Variants in FRMD6 observed in about 807,000 individuals in gnomAD.
The protein encoded by FRMD6 is FERM domain containing 6.
A neutral mutation model predicts 73.2 loss-of-function variants in FRMD6; 37 were observed. The ratio of observed to expected loss-of-function variants is 0.51; its 90% CI spans 0.39 to 0.66. The LOEUF (loss-of-function observed/expected upper bound fraction) is 0.66. Ranked by LOEUF, FRMD6 falls within the 30% of genes least tolerant of loss-of-function variation. The pLI is 0.00. For missense variants in FRMD6, 714 were observed against 780.5 expected (o/e 0.91, Z 1.02); for synonymous variants, 273 against 282.2 (o/e 0.97, Z 0.33).
At chr14:51,658,584 C>T (rs922714181) in intron 1 of FRMD6, among the ~76,000 whole-genome samples, 47 of 152,234 alleles carry the variant, frequency 3.1e-4, no homozygotes, top group Non-Finnish European at 6.6e-4. Context: ...TGTCTTCCTT[C>T]CACCCCCATC....
At chr14:51,590,798 A>G (rs1206279775) in intron 2 of FRMD6, among the ~76,000 whole-genome samples, 1 of 152,260 alleles carries the variant, frequency 6.6e-6, no homozygotes, top group East Asian at 1.9e-4. Flanking sequence ...AAAGTTTTGG[A>G]GAAGAAATAA....
chr14:51,729,702 C>G lies in FRMD6; in HGVS notation c.*1673C>G, dbSNP rs1274265262. 1 of 152,452 alleles carries G rather than the reference C, an allele frequency of 6.6e-6. No homozygotes were observed. Among genetic ancestry groups the G allele is most frequent in the African/African-American group, 2.4e-5 (1 of 41,364 alleles). 9.4% of individuals were successfully genotyped at this position (152,452 alleles called of 1,614,324 possible). ...ACAGTGGAACATAAGCAGTGTTACC[C>G]CTGGCTGGGAGTCAGTATTATACAA... is the stretch of plus-strand genomic sequence containing the variant. On this transcript the variant is annotated 3_prime_UTR_variant, in exon 14 of 14. Transcript: ENST00000344768.
intron 1 of FRMD6, among the ~76,000 whole-genome samples, chr14:51,527,086 CCTCT>C (rs1313090433): frequency 2.0e-5 from 3 of 152,254 alleles, no homozygotes; most frequent in African/African-American, 7.2e-5. Context: ...TGTGCTTCAA[CCTCT>C]CTGTCTCTAA....
the FRMD6 span, among the ~76,000 whole-genome samples, chr14:51,439,276 A>T: frequency 6.6e-6 from 1 of 152,232 alleles, no homozygotes; most frequent in Non-Finnish European, 1.5e-5. Flanking sequence ...TATAGGAATC[A>T]GGAATCTTGC....
the FRMD6 span, among the ~76,000 whole-genome samples, chr14:51,442,731 C>T: frequency 6.6e-6 from 1 of 152,216 alleles, no homozygotes; most frequent in Non-Finnish European, 1.5e-5. Context: ...AGGTCTATGG[C>T]TGCTAATGAG....
intron 1 of FRMD6, among the ~76,000 whole-genome samples, chr14:51,545,097 C>T (rs1027366778): frequency 4.6e-5 from 7 of 152,026 alleles, no homozygotes; most frequent in African/African-American, 9.7e-5. Flanking sequence ...TCCTTTTTAT[C>T]ATTCTTTAAT....
At chr14:51,660,158 A>G (rs1893113829) in intron 1 of FRMD6, among the ~76,000 whole-genome samples, 1 of 152,254 alleles carries the variant, frequency 6.6e-6, no homozygotes, top group Non-Finnish European at 1.5e-5. Flanking sequence ...CACTAAGTCC[A>G]TCAAAAGCCA....
upstream of FRMD6, chr14:51,651,360 AC>A (rs1211409019): frequency 2.0e-5 from 3 of 151,972 alleles, no homozygotes; most frequent in Admixed American, 1.3e-4. Flanking sequence ...TCCGCCGGGG[AC>A]CGCCTTCTCT....
chr14:51,536,093 T>A (rs201012492), intron 1 of FRMD6, among the ~76,000 whole-genome samples: 4 of 139,420 alleles, frequency 2.9e-5, no homozygotes, highest in African/African-American at 5.3e-5. Flanking sequence ...TATATATATA[T>A]ATATAGAGAG....
chr14:51,596,887 T>C (rs966471899), intron 2 of FRMD6, among the ~76,000 whole-genome samples: 7 of 152,220 alleles, frequency 4.6e-5, no homozygotes, highest in Admixed American at 3.9e-4. Context: ...CCCGCATGTA[T>C]ACGTGGGGTC....
chr14:51,574,542 A>G (rs972130698), intron 2 of FRMD6, among the ~76,000 whole-genome samples: 2 of 152,214 alleles, frequency 1.3e-5, no homozygotes, highest in Admixed American at 6.5e-5. Context: ...TGAGGACATT[A>G]TGTTACATAA....
At chr14:51,628,878 T>TTTC (rs1555328715) in intron 2 of FRMD6, among the ~76,000 whole-genome samples, 2 of 11,766 alleles carry the variant, frequency 1.7e-4, no homozygotes, top group Non-Finnish European at 5.7e-4. Context: ...TTTTCTTTTC[T>TTTC]TTTTTTTTTT....
At chr14:51,397,288 G>C in the FRMD6 span, among the ~76,000 whole-genome samples, 77 of 152,350 alleles carry the variant, frequency 5.1e-4, no homozygotes, top group Non-Finnish European at 9.1e-4. Context: ...TCTGGAGGGA[G>C]TGCTCCTTCA....
intron 1 of FRMD6, among the ~76,000 whole-genome samples, chr14:51,497,180 T>G (rs1222107900): frequency 6.6e-6 from 1 of 152,072 alleles, no homozygotes; most frequent in Non-Finnish European, 1.5e-5. Context: ...GATTAGAATC[T>G]GGCTCTACTC....
chr14:51,604,972 T>A (rs1186978052), intron 2 of FRMD6, among the ~76,000 whole-genome samples: 1 of 152,160 alleles, frequency 6.6e-6, no homozygotes, highest in African/African-American at 2.4e-5. Flanking sequence ...TGTAATGGCC[T>A]ATGCGAGCTG....
intron 2 of FRMD6, among the ~76,000 whole-genome samples, chr14:51,586,238 A>G (rs1289106490): frequency 2.0e-5 from 3 of 151,898 alleles, no homozygotes; most frequent in Non-Finnish European, 2.9e-5. Context: ...CAACCTCACC[A>G]ACTTCTGTTG....
At chr14:51,497,959 A>G (rs2140197034) in intron 1 of FRMD6, among the ~76,000 whole-genome samples, 1 of 152,290 alleles carries the variant, frequency 6.6e-6, no homozygotes, top group African/African-American at 2.4e-5. Flanking sequence ...GCCACACTCT[A>G]GATTAATCTT....
chr14:51,614,282 T>G (rs968683760), intron 2 of FRMD6, among the ~76,000 whole-genome samples: 2 of 152,304 alleles, frequency 1.3e-5, no homozygotes, highest in Admixed American at 1.3e-4. Context: ...GTTGCAAGGC[T>G]TAAGTATTCT....
At chr14:51,472,811 C>T in the FRMD6 span, among the ~76,000 whole-genome samples, 1 of 152,174 alleles carries the variant, frequency 6.6e-6, no homozygotes, top group Non-Finnish European at 1.5e-5. Context: ...AGTACTCAAG[C>T]ACTGAGGCGC....
Sources: allele counts gnomAD v4.1 joint callset (sites outside exome capture counted in the v4.1 genomes callset), GRCh38; gene constraint gnomAD v4.1.1; transcripts MANE v1.5; gene names NCBI Gene and HGNC (gene_info 2026-07-23, HGNC 2026-07-21).